UGT1A10: variants seen among roughly 807,000 people sequenced by gnomAD.
UGT1A10 encodes UDP glucuronosyltransferase family 1 member A10.
UGT1A10 carries 49 observed loss-of-function variants against 45.8 expected under a neutral mutation model. The ratio of observed to expected loss-of-function variants is 1.07; its 90% confidence interval spans 0.85 to 1.36. UGT1A10 has a LOEUF of 1.36. Ranked by LOEUF, UGT1A10 falls within the 40% of genes most tolerant of loss-of-function variation. The pLI is 0.00. For synonymous variants in UGT1A10, 284 were observed against 249.7 expected, an observed-to-expected ratio of 1.14 and a Z score of -1.29; for missense variants, 745 against 668.6, an observed-to-expected ratio of 1.11 and a Z score of -1.26.
intron 1 of UGT1A10, chr2:233,756,051 T>C (rs1176679443): frequency 6.6e-6 from 1 of 152,238 alleles, no homozygotes; most frequent in Non-Finnish European, 1.5e-5. Context: ...AAAACTCCAC[T>C]GTACACTTGT....
intron 1 of UGT1A10, chr2:233,729,857 CAGT>C (rs759461021): frequency 1.9e-6 from 3 of 1,613,876 alleles, no homozygotes; most frequent in Non-Finnish European, 2.5e-6. Flanking sequence ...AGAGAGGTGT[CAGT>C]GGTGGATATT....
At chr2:233,740,525 C>G (rs1027411226) in intron 1 of UGT1A10, among the ~76,000 whole-genome samples, 1 of 151,910 alleles carries the variant, frequency 6.6e-6, no homozygotes, top group Non-Finnish European at 1.5e-5. Context: ...GAACTAAAAT[C>G]AGCTGTGTTG....
At chr2:233,764,754 C>T (rs955406982) in intron 1 of UGT1A10, among the ~76,000 whole-genome samples, 3 of 152,116 alleles carry the variant, frequency 2.0e-5, no homozygotes, top group African/African-American at 7.2e-5. Context: ...GTGGTGCAGA[C>T]CCTAGGGAGG....
chr2:233,724,233 G>C (rs1323099966), intron 1 of UGT1A10, among the ~76,000 whole-genome samples: 2 of 126,058 alleles, frequency 1.6e-5, no homozygotes, highest in Non-Finnish European at 3.4e-5. Flanking sequence ...CAGTAGGGGC[G>C]GCCGGGCAGA....
At chr2:233,762,431 A>G (rs1698072328) in intron 1 of UGT1A10, among the ~76,000 whole-genome samples, 1 of 152,242 alleles carries the variant, frequency 6.6e-6, no homozygotes, top group Non-Finnish European at 1.5e-5. Context: ...ATAGAGTAAC[A>G]GTGTATTCCC....
intron 1 of UGT1A10, among the ~76,000 whole-genome samples, chr2:233,714,483 T>C (rs2076389981): frequency 6.6e-6 from 1 of 152,204 alleles, no homozygotes; most frequent in Admixed American, 6.5e-5. Context: ...GAATGTTTCT[T>C]GTGAAGACAC....
intron 1 of UGT1A10, among the ~76,000 whole-genome samples, chr2:233,687,113 A>G (rs2074823796): frequency 1.3e-5 from 2 of 152,234 alleles, no homozygotes; most frequent in South Asian, 4.1e-4. Flanking sequence ...AAACTTGGGT[A>G]AAAACTCAGC....
chr2:233,739,477 G>C (rs569787669), intron 1 of UGT1A10, among the ~76,000 whole-genome samples: 1 of 152,350 alleles, frequency 6.6e-6, no homozygotes, highest in East Asian at 1.9e-4. Context: ...GACCGTGGGA[G>C]CCCATTTCTG....
chr2:233,648,361 C>CT, intron 1 of UGT1A10: 1 of 407,764 alleles, frequency 2.5e-6, no homozygotes. Flanking sequence ...TTGACATTAC[C>CT]TTGAAGAAGG....
chr2:233,716,849 C>T (rs569937997), intron 1 of UGT1A10, among the ~76,000 whole-genome samples: 123 of 152,312 alleles, frequency 8.1e-4, no homozygotes, highest in Admixed American at 3.1e-3. Flanking sequence ...TCAGCTACCA[C>T]ATATGCTGAT....
At chr2:233,673,894 T>C (rs993118283) in intron 1 of UGT1A10, among the ~76,000 whole-genome samples, 1 of 152,240 alleles carries the variant, frequency 6.6e-6, no homozygotes, top group Non-Finnish European at 1.5e-5. Context: ...TTTATACCAC[T>C]TATTTTGCTT....
At chr2:233,657,294 G>C (rs932511683) in intron 1 of UGT1A10, among the ~76,000 whole-genome samples, 2 of 152,148 alleles carry the variant, frequency 1.3e-5, no homozygotes, top group African/African-American at 4.8e-5. Context: ...CCTGGGGCTG[G>C]GTAATGTATA....
chr2:233,666,325 A>T (rs1305476678), intron 1 of UGT1A10, among the ~76,000 whole-genome samples: 1 of 152,184 alleles, frequency 6.6e-6, no homozygotes, highest in Non-Finnish European at 1.5e-5. Context: ...TCAACACTTG[A>T]TTTGGGAGGG....
intron 1 of UGT1A10, chr2:233,721,896 G>A (rs1237120239): frequency 1.5e-5 from 7 of 474,202 alleles, no homozygotes; most frequent in South Asian, 3.1e-5. Context: ...TTGCAATATC[G>A]AAATGGTGCA....
At chr2:233,648,944 T>C (rs1559324350) in intron 1 of UGT1A10, 2 of 1,434,362 alleles carry the variant, frequency 1.4e-6, no homozygotes, top group East Asian at 2.4e-5. Context: ...ATGGACTTTG[T>C]TTTGGAGTAT....
At chr2:233,755,813 A>T (rs1317393692) in intron 1 of UGT1A10, 3 of 152,236 alleles carry the variant, frequency 2.0e-5, no homozygotes, top group African/African-American at 7.2e-5. Context: ...TTAAAACAGA[A>T]TTAAAAAGAC....
At chr2:233,742,513 G>A (rs934347498) in intron 1 of UGT1A10, among the ~76,000 whole-genome samples, 9 of 151,822 alleles carry the variant, frequency 5.9e-5, no homozygotes, top group Non-Finnish European at 1.2e-4. Flanking sequence ...TCATGAACAC[G>A]TCACAGTGCT....
At position 233,661,530 on chromosome 2, in the gene UGT1A10, A is replaced by G. The variant is rs13383382; in HGVS notation, c.855+24153A>G. On this transcript the variant is annotated intron_variant, in intron 1 of 4. Transcript: ENST00000344644. Reference sequence around the variant, plus strand: ...TGGCAGTGGAGTCCATTGAGATTGAAAAGCTGCATTTTTAATATGAGATAA... The same window carrying G: ...TGGCAGTGGAGTCCATTGAGATTGAGAAGCTGCATTTTTAATATGAGATAA... 7.8e-3 allele frequency among the ~76,000 whole-genome samples: 1,181 copies of G among 152,262 alleles called. 13 individuals carry two copies. Among genetic ancestry groups the G allele is most frequent in the African/African-American group, 0.027 (1,128 of 41,538 alleles).
At chr2:233,663,175 G>T (rs2074009382) in intron 1 of UGT1A10, among the ~76,000 whole-genome samples, 1 of 152,094 alleles carries the variant, frequency 6.6e-6, no homozygotes, top group Non-Finnish European at 1.5e-5. Flanking sequence ...ACCACCCGGG[G>T]GATTCACCTT....
Sources: allele counts gnomAD v4.1 joint callset (sites outside exome capture counted in the v4.1 genomes callset), GRCh38; gene constraint gnomAD v4.1.1; transcripts MANE v1.5; gene names NCBI Gene and HGNC (gene_info 2026-07-23, HGNC 2026-07-21).